PTPRN2: variants seen among roughly 807,000 people sequenced by gnomAD.
The protein encoded by PTPRN2 is protein tyrosine phosphatase receptor type N2, also known as receptor-type tyrosine-protein phosphatase N2.
A neutral mutation model predicts 118.8 loss-of-function variants in PTPRN2; 74 were observed. The observed-to-expected ratio is 0.62, with a 90% confidence interval of 0.52 to 0.76. The LOEUF is 0.76. PTPRN2 is among the 30% of genes least tolerant of loss of function. The pLI is 0.00. For missense variants in PTPRN2, 1,481 were observed against 1,394.4 expected (o/e 1.06, Z -0.99); for synonymous variants, 641 against 608.0 (o/e 1.05, Z -0.80).
intron 12 of PTPRN2, among the ~76,000 whole-genome samples, chr7:157,835,167 A>G (rs1807846265): frequency 6.6e-6 from 1 of 152,188 alleles, no homozygotes; most frequent in Non-Finnish European, 1.5e-5. Flanking sequence ...GGACAAGCAG[A>G]CCTTCCAGGA....
chr7:158,283,231 G>A (rs1799548093), intron 3 of PTPRN2, among the ~76,000 whole-genome samples: 1 of 152,252 alleles, frequency 6.6e-6, no homozygotes, highest in Non-Finnish European at 1.5e-5. Flanking sequence ...CTTCAGTCAG[G>A]CGGCAGCCGT....
At chr7:158,522,361 A>G (rs77104529) in intron 1 of PTPRN2, among the ~76,000 whole-genome samples, 4,326 of 29,722 alleles carry the variant, frequency 0.15, 647 homozygotes, top group South Asian at 0.31. Context: ...TGGACTGTCC[A>G]GGTGCTGGCT....
At chr7:158,074,088 A>G (rs1468475347) in intron 11 of PTPRN2, among the ~76,000 whole-genome samples, 1 of 152,202 alleles carries the variant, frequency 6.6e-6, no homozygotes, top group Non-Finnish European at 1.5e-5. Flanking sequence ...GGGGCAGTGA[A>G]GACAGAAACC....
chr7:157,722,254 C>T (rs1799280666), intron 12 of PTPRN2, among the ~76,000 whole-genome samples: 1 of 152,250 alleles, frequency 6.6e-6, no homozygotes, highest in Non-Finnish European at 1.5e-5. Flanking sequence ...CATATGCTGC[C>T]TGGCATATTT....
chr7:158,517,901 C>G lies in PTPRN2; in HGVS notation c.113-28116G>C, dbSNP rs1205020430. ...CCACTGCAGAAAAACCTTCCCTCCCCCCCAGTCTGACTAGAGTCCACTCAT... is the reference window on the plus strand; with the variant it reads ...CCACTGCAGAAAAACCTTCCCTCCCGCCCAGTCTGACTAGAGTCCACTCAT... On this transcript the variant is annotated intron_variant, in intron 1 of 22. Transcript: ENST00000389418. The surrounding 1 kb of genome is among the most constrained non-coding windows in gnomAD (Gnocchi z 5.3). Among the ~76,000 whole-genome samples, 1 of 152,230 alleles carries G rather than the reference C, an allele frequency of 6.6e-6. No homozygotes were observed. The highest frequency in any genetic ancestry group is 1.5e-5 in the Non-Finnish European group (1 of 68,042).
chr7:158,434,050 C>T (rs915287230), intron 2 of PTPRN2, among the ~76,000 whole-genome samples: 7 of 151,930 alleles, frequency 4.6e-5, no homozygotes, highest in East Asian at 1.9e-4. Flanking sequence ...AGAAATACTC[C>T]GAATGATTTC....
At position 157,966,319 on chromosome 7, in the gene PTPRN2, TACC is replaced by T. The variant is rs535615963; in HGVS notation, c.1724-67585_1724-67583del. Among the ~76,000 whole-genome samples the T allele has an allele frequency of 4.5e-3, 678 of 151,768 alleles. 7 individuals carry two copies. The highest frequency in any genetic ancestry group is 0.015 in the African/African-American group (640 of 41,380). On this transcript the variant is annotated intron_variant, in intron 11 of 22. Transcript: ENST00000389418. The stretch of plus-strand genomic sequence containing the variant: ...TCACCATCACCACCATCATCTTCAT[TACC>T]ACCATCATCTTCACCACCACCATCA...
intron 11 of PTPRN2, among the ~76,000 whole-genome samples, chr7:157,985,501 A>G (rs1233557481): frequency 6.6e-6 from 1 of 152,204 alleles, no homozygotes; most frequent in East Asian, 1.9e-4. Flanking sequence ...ATATCACACT[A>G]TGTCACTCAA....
intron 3 of PTPRN2, among the ~76,000 whole-genome samples, chr7:158,260,084 C>A (rs1002857388): frequency 1.6e-4 from 25 of 152,296 alleles, no homozygotes; most frequent in African/African-American, 4.8e-4. Context: ...TATGTGCGTG[C>A]ACGTCTGTGT....
At chr7:157,938,033 G>A (rs1283169935) in intron 11 of PTPRN2, among the ~76,000 whole-genome samples, 2 of 152,192 alleles carry the variant, frequency 1.3e-5, no homozygotes, top group Non-Finnish European at 2.9e-5. Context: ...AGTGCATGGT[G>A]GGGCCATCTA....
intron 4 of PTPRN2, among the ~76,000 whole-genome samples, chr7:158,193,332 A>ATGATG (rs1448262718): frequency 1.3e-5 from 2 of 152,188 alleles, no homozygotes; most frequent in Non-Finnish European, 2.9e-5. Context: ...GCCCCCACTA[A>ATGATG]TGATGCTCAG....
At chr7:157,636,501 T>G (rs551196383) in intron 14 of PTPRN2, among the ~76,000 whole-genome samples, 161 of 152,364 alleles carry the variant, frequency 1.1e-3, no homozygotes, top group Middle Eastern at 0.01. Context: ...AAAAATTAAT[T>G]CAGTCTTATA....
chr7:158,349,702 G>C (rs1288339779), intron 2 of PTPRN2, among the ~76,000 whole-genome samples: 4 of 91,648 alleles, frequency 4.4e-5, no homozygotes, highest in African/African-American at 1.9e-4. Flanking sequence ...CCTGAGGGCA[G>C]TGCTGAGGAT....
In PTPRN2 at chr7:157,987,615, G is replaced by A. The variant is rs771068469; in HGVS notation, c.1724-88878C>T. Reference sequence around the variant, plus strand: ...TGGATGCTGAATAGCTGGAGGAAGCGGCCTGCTGGTTTTGTTCACACTGGG... The same window carrying A: ...TGGATGCTGAATAGCTGGAGGAAGCAGCCTGCTGGTTTTGTTCACACTGGG... On this transcript the variant is annotated intron_variant, in intron 11 of 22. Coordinates refer to ENST00000389418, the MANE Select transcript of PTPRN2 (RefSeq NM_002847.5). The surrounding 1 kb of genome is among the most constrained non-coding windows in gnomAD (Gnocchi z 4.3). 3.3e-5 allele frequency among the ~76,000 whole-genome samples: 5 copies of A among 152,144 alleles called. No individual in the cohort carries two copies. The highest frequency in any genetic ancestry group is 4.4e-5 in the Non-Finnish European group (3 of 68,028).
At chr7:158,109,584 C>T (rs1816031003) in intron 10 of PTPRN2, among the ~76,000 whole-genome samples, 1 of 150,664 alleles carries the variant, frequency 6.6e-6, no homozygotes, top group African/African-American at 2.5e-5. Context: ...GAATGAATGA[C>T]ATCACCCTGC....
At chr7:157,883,844 A>C (rs1039048184) in intron 12 of PTPRN2, among the ~76,000 whole-genome samples, 1 of 150,884 alleles carries the variant, frequency 6.6e-6, no homozygotes, top group Non-Finnish European at 1.5e-5. Flanking sequence ...AGATCAGAAC[A>C]CATCACCCCA....
intron 12 of PTPRN2, among the ~76,000 whole-genome samples, chr7:157,743,328 TG>T (rs879598880): frequency 6.6e-6 from 1 of 152,112 alleles, no homozygotes; most frequent in Non-Finnish European, 1.5e-5. Context: ...TGAATCCTCC[TG>T]GCTAAGCTGT....
At chr7:158,520,776 T>A (rs1035650105) in intron 1 of PTPRN2, among the ~76,000 whole-genome samples, 21 of 152,168 alleles carry the variant, frequency 1.4e-4, no homozygotes, top group African/African-American at 4.3e-4. Context: ...AAAATCCTAA[T>A]CCCTGCCTCA....
chr7:157,614,220 G>A, intron 15 of PTPRN2: 2 of 427,340 alleles, frequency 4.7e-6, no homozygotes, highest in Non-Finnish European at 9.7e-6. Context: ...TGTGGCCCGT[G>A]GCAAGGTCGC....
Sources: gnomAD v4.1 joint callset for allele counts (sites outside exome capture counted in the v4.1 genomes callset) on GRCh38, gnomAD v4.1.1 for gene constraint, Gnocchi (gnomAD v3.1) non-coding constraint, MANE v1.5 for transcripts, NCBI Gene and HGNC (gene_info 2026-07-23, HGNC 2026-07-21) for gene names.